Variants in GALR2 observed in about 807,000 individuals in gnomAD.
The protein encoded by GALR2 is galanin receptor type 2.
Under a neutral mutation model 7.2 loss-of-function variants are expected in GALR2, and 5 were observed. The observed-to-expected ratio is 0.69, with a 90% CI of 0.36 to 1.45. The LOEUF is 1.45. GALR2 is among the 40% of genes most tolerant of loss of function. The pLI is 0.03. For synonymous variants in GALR2, 300 were observed against 263.9 expected (o/e 1.14, Z -1.32); for missense variants, 561 against 555.7 (o/e 1.01, Z -0.10).
Position 76,075,228 on chromosome 17 carries a change from G to T in GALR2, c.345G>T (p.Thr115=), listed in dbSNP as rs150837200. ...TCACCATGCACGCCAGCAGCTTCAC[G>T]CTGGCCGCCGTCTCCCTGGACAGGT... is the stretch of plus-strand genomic sequence containing the variant. ...IFLTMHASSF[T]LAAVSLDRYL... Residue 115 remains threonine (T), a synonymous_variant, in exon 1 of 2, where the codon ACG becomes ACT. Coordinates refer to ENST00000329003, the MANE Select transcript of GALR2 (RefSeq NM_003857.4). The surrounding 1 kb of genome is among the most constrained non-coding windows in gnomAD (Gnocchi z 5.9). 2.3e-4 allele frequency: 369 copies of T among 1,604,902 alleles called. 2 individuals carry two copies. The African/African-American group carries it at 4.1e-3, about 18-fold the overall frequency.
In GALR2 at chr17:76,077,309, G is replaced by A; in HGVS notation, c.1042G>A (p.Ala348Thr). The stretch of plus-strand genomic sequence containing the variant: ...CAGCGACCTGTTGCACATGAGCGAG[G>A]CGGCGGGGGCCCTTCGTCCCTGCCC... ...ESSDLLHMSE[A>T]AGALRPCPGA... Residue 348 changes from alanine (A) to threonine (T), a missense_variant, in exon 2 of 2, where the codon GCG becomes ACG. Coordinates refer to ENST00000329003, the MANE Select transcript of GALR2 (RefSeq NM_003857.4). 1 of 1,586,058 alleles carries A rather than the reference G, an allele frequency of 6.3e-7. No homozygotes were observed.
At chr17:76,072,150 C>T (rs576575690), upstream of GALR2, 2 of 1,400,918 alleles carry the variant, frequency 1.4e-6, no homozygotes, top group African/African-American at 1.5e-5. This position sits in a 1 kb window ranked among gnomAD's most constrained non-coding sequence, Gnocchi z 4.5. Context: ...AGAGACAGAC[C>T]CCCCCCGGAA....
Position 76,077,166 on chromosome 17 carries a change from G to T in GALR2, c.899G>T (p.Arg300Leu). 6.2e-7 allele frequency: 1 copy of T among 1,612,052 alleles called. No homozygotes were observed. The highest frequency in any genetic ancestry group is 8.5e-7 in the Non-Finnish European group (1 of 1,179,606). Reference protein sequence around the residue: ...IVYALVSKHFRKGFRTICAGL... With the variant: ...IVYALVSKHFLKGFRTICAGL... Reference sequence around the variant, plus strand: ...TACGCGCTGGTCTCCAAGCACTTCCGCAAAGGCTTCCGCACGATCTGCGCG... The same window carrying T: ...TACGCGCTGGTCTCCAAGCACTTCCTCAAAGGCTTCCGCACGATCTGCGCG... Residue 300 changes from arginine (R) to leucine (L), a missense_variant, in exon 2 of 2, where the codon CGC (arginine) becomes CTC (leucine). Physicochemically the swap from Arg to Leu is moderately radical, Grantham distance 102. Transcript: ENST00000329003.
At chr17:76,072,688 G>A, upstream of GALR2, 1 of 1,112,380 alleles carries the variant, frequency 9.0e-7, no homozygotes, top group Non-Finnish European at 1.2e-6. This position sits in a 1 kb window ranked among gnomAD's most constrained non-coding sequence, Gnocchi z 4.5. Flanking sequence ...ATTGTGGCTG[G>A]CTAGGTGGGG....
upstream of GALR2, chr17:76,072,431 C>CACCGCCGCCGCCACT (rs773907321): frequency 1.3e-5 from 20 of 1,569,336 alleles, no homozygotes; most frequent in East Asian, 3.8e-4. The surrounding 1 kb of genome is among the most constrained non-coding windows in gnomAD (Gnocchi z 4.5). Context: ...CCGCCACTGC[C>CACCGCCGCCGCCACT]ACCGCCGCCG....
upstream of GALR2, chr17:76,072,402 TCCACCGCCGCTACCGCCGCCGCCACTG>T (rs1388970196): frequency 2.5e-6 from 4 of 1,586,974 alleles, no homozygotes; most frequent in Admixed American, 3.3e-5. The surrounding 1 kb of genome is among the most constrained non-coding windows in gnomAD (Gnocchi z 4.5). Context: ...CGGCACCACG[TCCACCGCCGCTACCGCCGCCGCCACTG>T]CCACCGCCGC....
Position 76,077,008 on chromosome 17 carries a change from C to T in GALR2, c.741C>T (p.Leu247=). The part of the protein sequence containing the change: ...MILIVAALFC[L]CWMPHHALIL... ...TCATCGTGGCCGCGCTCTTCTGCCT[C>T]TGCTGGATGCCCCACCACGCGCTCA... Residue 247 remains leucine, a synonymous_variant, in exon 2 of 2, where the codon CTC becomes CTT. Transcript: ENST00000329003. The T allele has an allele frequency of 6.2e-7, 1 of 1,611,234 alleles. No homozygotes were observed. Among genetic ancestry groups the T allele is most frequent in the Non-Finnish European group, 8.5e-7 (1 of 1,179,882 alleles).
chr17:76,072,488 C>A, upstream of GALR2: 1 of 1,582,912 alleles, frequency 6.3e-7, no homozygotes, highest in Non-Finnish European at 8.5e-7. This position sits in a 1 kb window ranked among gnomAD's most constrained non-coding sequence, Gnocchi z 4.5. Context: ...TTCTCAGCAG[C>A]CATCTTGCCC....
Position 76,075,289 on chromosome 17 carries a change from C to A in GALR2, c.368+38C>A. 1 of 1,571,150 alleles carries A rather than the reference C, an allele frequency of 6.4e-7. No homozygotes were observed. The highest frequency in any genetic ancestry group is 8.6e-7 in the Non-Finnish European group (1 of 1,163,218). On this transcript the variant is annotated intron_variant, in intron 1 of 1. Transcript: ENST00000329003. The surrounding 1 kb of genome is among the most constrained non-coding windows in gnomAD (Gnocchi z 5.9). Reference sequence around the variant, plus strand: ...CTTGGCCTCCCTGGGAGATGGGCATCCACGCGGGGGATGGAGCGGGAGGCG... The same window carrying A: ...CTTGGCCTCCCTGGGAGATGGGCATACACGCGGGGGATGGAGCGGGAGGCG...
At position 76,077,427 on chromosome 17, in the gene GALR2, C is replaced by T. The variant is rs1164617919; in HGVS notation, c.1160C>T (p.Ala387Val). ...GACAGCATCCTGACGGTTGATGTGG[C>T]CTGAAAGCACTTAGCGGGCGCGCTG... ...AGDSILTVDV[A>V] The change falls in exon 2 of 2, where the codon GCC becomes GTC. Residue 387 changes from alanine (A) to valine (V), a missense_variant. Physicochemically the swap from Ala to Val is moderately conservative, Grantham distance 64. Transcript: ENST00000329003. 41 of 1,446,896 alleles carry T rather than the reference C, an allele frequency of 2.8e-5. No homozygotes were observed. Among genetic ancestry groups the T allele is most frequent in the Non-Finnish European group, 3.7e-5 (41 of 1,105,888 alleles). 89.6% of individuals were successfully genotyped at this position (1,446,896 alleles called of 1,614,324 possible). A position where few individuals can be genotyped will look rare whatever the true frequency, so the allele number is the denominator to read the frequency against.
At chr17:76,072,389 C>T (rs1189598998), upstream of GALR2, 14 of 1,609,694 alleles carry the variant, frequency 8.7e-6, no homozygotes, top group Non-Finnish European at 1.1e-5. The surrounding 1 kb of genome is among the most constrained non-coding windows in gnomAD (Gnocchi z 4.5). Context: ...TTTTCTTCCC[C>T]TCCGGCACCA....
In GALR2 at chr17:76,077,461, C is replaced by T; in HGVS notation, c.*30C>T. The T allele has an allele frequency of 7.0e-7, 1 of 1,438,544 alleles. No individual in the cohort carries two copies. Among genetic ancestry groups the T allele is most frequent in the South Asian group, 1.5e-5 (1 of 68,082 alleles). 89.1% of individuals were successfully genotyped at this position (1,438,544 alleles called of 1,614,324 possible). On this transcript the variant is annotated 3_prime_UTR_variant, in exon 2 of 2. Coordinates refer to ENST00000329003, the MANE Select transcript of GALR2 (RefSeq NM_003857.4). Reference sequence around the variant, plus strand: ...ACTTAGCGGGCGCGCTGGGATGTCACAGAGTTGGAGTCATTGTTGGGGGAC... The same window carrying T: ...ACTTAGCGGGCGCGCTGGGATGTCATAGAGTTGGAGTCATTGTTGGGGGAC...
In GALR2 at chr17:76,077,118, A is replaced by T; in HGVS notation, c.851A>T (p.Asn284Ile). 1.9e-6 allele frequency: 3 copies of T among 1,612,594 alleles called. No individual in the cohort carries two copies. The highest frequency in any genetic ancestry group is 2.5e-6 in the Non-Finnish European group (3 of 1,179,754). ...RILSHLVSYA[N>I]SCVNPIVYAL... is the part of the protein sequence containing the mutation. The stretch of plus-strand genomic sequence containing the variant: ...CTCTCGCACCTGGTCTCCTACGCCA[A>T]CTCCTGCGTCAACCCCATCGTTTAC... The change falls in exon 2 of 2, where the codon AAC (asparagine) becomes ATC (isoleucine). Residue 284 changes from asparagine (N) to isoleucine (I), a missense_variant. Transcript: ENST00000329003.
upstream of GALR2, chr17:76,072,633 G>T: frequency 7.0e-7 from 1 of 1,420,644 alleles, no homozygotes; most frequent in Non-Finnish European, 9.1e-7. The surrounding 1 kb of genome is among the most constrained non-coding windows in gnomAD (Gnocchi z 4.5). Flanking sequence ...GGCGCCATGT[G>T]CTGGAGCGCG....
At chr17:76,072,952 C>T (rs1336492162), upstream of GALR2, among the ~76,000 whole-genome samples, 2 of 152,226 alleles carry the variant, frequency 1.3e-5, no homozygotes, top group Admixed American at 1.3e-4. This position sits in a 1 kb window ranked among gnomAD's most constrained non-coding sequence, Gnocchi z 4.5. Flanking sequence ...CCCGCCTCTG[C>T]CTGCCCTTTC....
In GALR2 at chr17:76,076,690, C is replaced by T. The variant is rs976383085; in HGVS notation, c.423C>T (p.Asn141=). 1.2e-6 allele frequency: 2 copies of T among 1,601,136 alleles called. No individual in the cohort carries two copies. The highest frequency in any genetic ancestry group is 1.7e-6 in the Non-Finnish European group (2 of 1,178,548). ...CCCGCGAGCTGCGCACGCCTCGAAA[C>T]GCGCTGGCAGCCATCGGGCTCATCT... ...LHSRELRTPR[N]ALAAIGLIWG... The change falls in exon 2 of 2, where the codon AAC becomes AAT. Residue 141 remains asparagine, a synonymous_variant. Coordinates refer to ENST00000329003, the MANE Select transcript of GALR2 (RefSeq NM_003857.4). The surrounding 1 kb of genome is among the most constrained non-coding windows in gnomAD (Gnocchi z 6.5).
upstream of GALR2, among the ~76,000 whole-genome samples, chr17:76,073,051 CTTGGGGCCGTGGACCACTGCACT>C (rs964416566): frequency 1.3e-5 from 2 of 152,170 alleles, no homozygotes; most frequent in Non-Finnish European, 2.9e-5. Context: ...TCTCAGACCG[CTTGGGGCCGTGGACCACTGCACT>C]TTGGGGCCGT....
upstream of GALR2, among the ~76,000 whole-genome samples, chr17:76,073,354 G>C (rs1041537169): frequency 6.9e-6 from 1 of 144,266 alleles, no homozygotes; most frequent in Non-Finnish European, 1.5e-5. Context: ...GGAGTGCAAT[G>C]GTGTGATCTC....
upstream of GALR2, among the ~76,000 whole-genome samples, chr17:76,072,977 G>GT (rs2066868433): frequency 6.6e-6 from 1 of 152,246 alleles, no homozygotes. The surrounding 1 kb of genome is among the most constrained non-coding windows in gnomAD (Gnocchi z 4.5). Flanking sequence ...GAGGCTGGCC[G>GT]TAAGAACGCC....
Sources: allele counts gnomAD v4.1 joint callset (sites outside exome capture counted in the v4.1 genomes callset), GRCh38; gene constraint gnomAD v4.1.1; non-coding constraint Gnocchi (gnomAD v3.1); transcripts MANE v1.5; gene names NCBI Gene and HGNC (gene_info 2026-07-23, HGNC 2026-07-21).